Variants in CEP290 observed in about 807,000 individuals in gnomAD.
CEP290 encodes the protein centrosomal protein of 290 kDa.
Under a neutral mutation model 344.9 loss-of-function variants are expected in CEP290, and 317 were observed. That is an observed-to-expected ratio of 0.92 (90% confidence interval 0.84 to 1.01). The LOEUF (loss-of-function observed/expected upper bound fraction) is 1.01. Ranked by LOEUF, CEP290 falls within the 50% of genes least tolerant of loss-of-function variation. The pLI is 0.00. For missense variants in CEP290, 2,754 were observed against 2,761.4 expected, an observed-to-expected ratio of 1.00 and a Z score of 0.06; for synonymous variants, 932 against 895.8, an observed-to-expected ratio of 1.04 and a Z score of -0.72.
rs1272148975 is a variant in CEP290, at chr12:88,089,225, G to T, written c.3836C>A (p.Pro1279His). Residue 1279 changes from proline (P) to histidine (H), a missense_variant, in exon 31 of 54, where the codon CCC (proline) becomes CAC (histidine). Transcript: ENST00000552810. ...SLRRQFSGAL[P>H]LAQQEKFSKT... ...GGAGAACTTTTCCTGTTGTGCCAAGGGTAAAGCTCCACTAAACTGTCGTCG... is the reference window on the plus strand; with the variant it reads ...GGAGAACTTTTCCTGTTGTGCCAAGTGTAAAGCTCCACTAAACTGTCGTCG... The T allele has an allele frequency of 2.5e-6, 4 of 1,613,656 alleles. No homozygotes were observed. In the South Asian group the frequency reaches 4.4e-5, roughly 18 times the overall value.
chr12:88,127,821 C>T (rs1475167496), intron 11 of CEP290, among the ~76,000 whole-genome samples: 1 of 152,140 alleles, frequency 6.6e-6, no homozygotes, highest in Non-Finnish European at 1.5e-5. Flanking sequence ...TCATAAACTT[C>T]ACAAATTATC....
At chr12:88,129,122 A>C in intron 10 of CEP290, 87 bp from the exon 11 acceptor site, 1 of 608,686 alleles carries the variant, frequency 1.6e-6, no homozygotes, top group Non-Finnish European at 2.6e-6. Flanking sequence ...CATTATATAT[A>C]TAAATATATC....
In CEP290 at chr12:88,096,277, G is replaced by T. The variant is rs151228021; in HGVS notation, c.3103+611C>A. 4.1e-3 allele frequency among the ~76,000 whole-genome samples: 625 copies of T among 152,160 alleles called. 4 individuals carry two copies. The highest frequency in any genetic ancestry group is 0.014 in the African/African-American group (596 of 41,522). ...TTGGCCAGGCTGGTCTCGAACTCCT[G>T]ACCCCAGGGGATCTGCTCTCCTCAG... On this transcript the variant is annotated intron_variant, in intron 27 of 53. Transcript: ENST00000552810.
chr12:88,065,155 A>G (rs554829263), intron 44 of CEP290, among the ~76,000 whole-genome samples: 10 of 151,838 alleles, frequency 6.6e-5, no homozygotes, highest in African/African-American at 2.4e-4. Context: ...ATAGGAAATA[A>G]TTTTTTTTAA....
chr12:88,111,114 A>G, intron 22 of CEP290, 88 bp downstream of exon 22: 1 of 759,850 alleles, frequency 1.3e-6, no homozygotes, highest in Non-Finnish European at 1.9e-6. Context: ...AAAGTAAAAT[A>G]AAAATAAAAA....
chr12:88,141,205 C>A lies in CEP290; in HGVS notation c.102+1G>T, dbSNP rs2040637111. ...TCTATTATTATTGACCAATTAAGCA[C>A]CTTGGATAAGGAAATCAATAAATTA... On this transcript the variant is annotated splice_donor_variant, in intron 2 of 53. Coordinates refer to ENST00000552810, the MANE Select transcript of CEP290 (RefSeq NM_025114.4). LOFTEE classifies it high-confidence loss of function. 1 of 1,602,952 alleles carries A rather than the reference C, an allele frequency of 6.2e-7. No homozygotes were observed. Among genetic ancestry groups the A allele is most frequent in the Non-Finnish European group, 8.5e-7 (1 of 1,174,474 alleles).
Position 88,089,444 on chromosome 12 carries a change from T to A in CEP290, c.3617A>T (p.His1206Leu). 2.5e-6 allele frequency: 4 copies of A among 1,590,054 alleles called. No homozygotes were observed. The highest frequency in any genetic ancestry group is 3.4e-6 in the Non-Finnish European group (4 of 1,166,030). The change falls in exon 31 of 54, where the codon CAT becomes CTT. Residue 1206 changes from histidine (H) to leucine (L), a missense_variant. By Grantham distance (99) the His-to-Leu change is moderately conservative. Coordinates refer to ENST00000552810, the MANE Select transcript of CEP290 (RefSeq NM_025114.4). ...EKSLIAKLHQ[H>L]NVSLQLSEAT... Reference sequence around the variant, plus strand: ...CTCACTCAGTTGAAGAGAGACATTATGTTGGTGCAACTTGGCAATGAGCGA... The same window carrying A: ...CTCACTCAGTTGAAGAGAGACATTAAGTTGGTGCAACTTGGCAATGAGCGA...
At chr12:88,124,140 A>G (rs1395255619) in intron 13 of CEP290, among the ~76,000 whole-genome samples, 3 of 152,046 alleles carry the variant, frequency 2.0e-5, no homozygotes, top group Non-Finnish European at 4.4e-5. Flanking sequence ...AAATTATATC[A>G]TTTCTATCTT....
chr12:88,077,321 T>G lies in CEP290; in HGVS notation c.5610A>C (p.Lys1870Asn). The G allele has an allele frequency of 6.3e-7, 1 of 1,574,978 alleles. No homozygotes were observed. Among genetic ancestry groups the G allele is most frequent in the Non-Finnish European group, 8.6e-7 (1 of 1,157,420 alleles). ...TTTGGAGTTCTTCAATTAGACTTTG[T>G]TTATTATCTGTCAGGGGTTTGCCCT... is the stretch of plus-strand genomic sequence containing the variant. The part of the protein sequence containing the change: ...GLQGKPLTDN[K>N]QSLIEELQRK... The change falls in exon 41 of 54, where the codon AAA (lysine) becomes AAC (asparagine). Residue 1870 changes from lysine (K) to asparagine (N), a missense_variant. Coordinates refer to ENST00000552810, the MANE Select transcript of CEP290 (RefSeq NM_025114.4).
intron 41 of CEP290, among the ~76,000 whole-genome samples, chr12:88,073,526 G>A (rs1284643320): frequency 6.6e-6 from 1 of 152,086 alleles, no homozygotes; most frequent in Non-Finnish European, 1.5e-5. Flanking sequence ...TATGTAAGTA[G>A]GTAGAGTTTA....
Position 88,077,320 on chromosome 12 carries a change from G to T in CEP290, c.5611C>A (p.Gln1871Lys). The change falls in exon 41 of 54, where the codon CAA becomes AAA. Residue 1871 changes from glutamine (Q) to lysine (K), a missense_variant. Gln to Lys is a moderately conservative substitution (Grantham distance 53, BLOSUM62 1). Coordinates refer to ENST00000552810, the MANE Select transcript of CEP290 (RefSeq NM_025114.4). ...LQGKPLTDNK[Q>K]SLIEELQRKV... The stretch of plus-strand genomic sequence containing the variant: ...CTTTGGAGTTCTTCAATTAGACTTT[G>T]TTTATTATCTGTCAGGGGTTTGCCC... 1 of 1,570,982 alleles carries T rather than the reference G, an allele frequency of 6.4e-7. No individual in the cohort carries two copies.
chr12:88,133,071 GGTTTTTTT>G (rs1399821407), intron 6 of CEP290, among the ~76,000 whole-genome samples: 2 of 147,046 alleles, frequency 1.4e-5, no homozygotes, highest in Admixed American at 6.8e-5. Context: ...ATCTTGTTCC[GGTTTTTTT>G]TTTTTTTTTT....
intron 13 of CEP290, among the ~76,000 whole-genome samples, chr12:88,123,612 C>T (rs2039550666): frequency 6.6e-6 from 1 of 152,024 alleles, no homozygotes; most frequent in Admixed American, 6.6e-5. Flanking sequence ...TTTTTATCTC[C>T]CCAGCTGCTA....
rs1354836663 is a variant in CEP290 at position 88,071,384 on chromosome 12, A to G, written c.5921T>C (p.Val1974Ala). 8.1e-6 allele frequency: 13 copies of G among 1,612,000 alleles called. No individual in the cohort carries two copies. The highest frequency in any genetic ancestry group is 1.1e-5 in the Non-Finnish European group (13 of 1,178,786). The change falls in exon 43 of 54, where the codon GTT becomes GCT. Residue 1974 changes from valine to alanine, a missense_variant. Coordinates refer to ENST00000552810, the MANE Select transcript of CEP290 (RefSeq NM_025114.4). Reference sequence around the variant, plus strand: ...TGACTCCAAAGCTCGTATTCCCAAAACCTGATCAACAGTCATGCCAGTTGT... The same window carrying G: ...TGACTCCAAAGCTCGTATTCCCAAAGCCTGATCAACAGTCATGCCAGTTGT... ...LKTTGMTVDQ[V>A]LGIRALESEK...
chr12:88,092,166 C>T (rs536063958), intron 29 of CEP290, among the ~76,000 whole-genome samples: 11 of 152,212 alleles, frequency 7.2e-5, no homozygotes, highest in Non-Finnish European at 1.3e-4. Flanking sequence ...AAAATATAAC[C>T]TCAAGGTTAA....
intron 26 of CEP290, 25 bp downstream of exon 26, chr12:88,102,813 A>C: frequency 6.3e-7 from 1 of 1,580,048 alleles, no homozygotes; most frequent in Non-Finnish European, 8.6e-7. Context: ...TAATTTCACA[A>C]GGTTCAAGAA....
rs761615192 is a variant in CEP290 at position 88,125,386 on chromosome 12, A to G, written c.1066-17T>C. ...CTGTATACCCTATAAAATATTTTAAAACAATATATATCCCTTCATGAATAT... is the reference window on the plus strand; with the variant it reads ...CTGTATACCCTATAAAATATTTTAAGACAATATATATCCCTTCATGAATAT... On this transcript the variant is annotated splice_polypyrimidine_tract_variant and intron_variant, in intron 12 of 53. Coordinates refer to ENST00000552810, the MANE Select transcript of CEP290 (RefSeq NM_025114.4). 1.6e-6 allele frequency: 2 copies of G among 1,216,030 alleles called. No individual in the cohort carries two copies. Among genetic ancestry groups the G allele is most frequent in the Admixed American group, 7.8e-5 (2 of 25,590 alleles). The allele number at this position is 1,216,030 out of a possible 1,614,324, so 75.3% of individuals were successfully genotyped here. A position where few individuals can be genotyped will look rare whatever the true frequency, so the allele number is the denominator to read the frequency against.
Position 88,107,053 on chromosome 12 carries a change from T to G in CEP290, c.2529A>C (p.Glu843Asp). Residue 843 changes from glutamate (E) to aspartate (D), a missense_variant, in exon 24 of 54, where the codon GAA (glutamate) becomes GAC (aspartate). By Grantham distance (45) the Glu-to-Asp change is conservative. Transcript: ENST00000552810. ...GGACTTGATCCTCAAGTTTTCTCTT[T>G]TCCTCTTTTATTGTTTTAGATTCTG... ...WKTESKTIKE[E>D]KRKLEDQVQQ... is the part of the protein sequence containing the mutation. 1 of 1,553,878 alleles carries G rather than the reference T, an allele frequency of 6.4e-7. No homozygotes were observed. The highest frequency in any genetic ancestry group is 8.7e-7 in the Non-Finnish European group (1 of 1,150,888).
intron 50 of CEP290, 97 bp downstream of exon 50, chr12:88,055,479 T>TTTA (rs766330052): frequency 2.6e-6 from 3 of 1,141,098 alleles, no homozygotes; most frequent in Non-Finnish European, 3.5e-6. Flanking sequence ...ATGGGTCTTC[T>TTTA]TAATAGAGTC....
Sources: gnomAD v4.1 joint callset for allele counts (sites outside exome capture counted in the v4.1 genomes callset) on GRCh38, gnomAD v4.1.1 for gene constraint, MANE v1.5 for transcripts, NCBI Gene and HGNC (gene_info 2026-07-23, HGNC 2026-07-21) for gene names.